Variants in PCDH15 observed in about 807,000 individuals in gnomAD.
The protein encoded by PCDH15 is protocadherin related 15, also known as protocadherin-15.
PCDH15 carries 129 observed loss-of-function variants against 178.5 expected under a neutral mutation model. That is an observed-to-expected ratio of 0.72 (90% CI 0.63 to 0.84). The LOEUF is 0.84. PCDH15 is among the 40% of genes least tolerant of loss of function. The pLI is 0.00. For missense variants in PCDH15, 2,230 were observed against 2,099.9 expected (o/e 1.06, Z -1.21); for synonymous variants, 800 against 732.0 (o/e 1.09, Z -1.50).
chr10:53,824,816 A>C (rs1003080166), intron 32 of PCDH15, among the ~76,000 whole-genome samples: 1 of 152,098 alleles, frequency 6.6e-6, no homozygotes, highest in African/African-American at 2.4e-5. Context: ...AAATCTATAA[A>C]TAGGTTTCTA....
At chr10:54,801,604 T>G (rs1397135778), upstream of PCDH15, among the ~76,000 whole-genome samples, 1 of 152,198 alleles carries the variant, frequency 6.6e-6, no homozygotes, top group Non-Finnish European at 1.5e-5. Flanking sequence ...AAATAATCTC[T>G]TAAGCTTCTT....
In PCDH15 at chr10:54,046,617, C is replaced by CAAA. The variant is rs33959286; in HGVS notation, c.2220+20137_2220+20139dup. ...GCTTACTTAGATGGTAAATGTGCAA[C>CAAA]AAAAAAACCCAGGAAATTAACATAG... On this transcript the variant is annotated intron_variant, in intron 18 of 37. Coordinates refer to ENST00000644397, the MANE Select transcript of PCDH15 (RefSeq NM_001384140.1). 2.1e-3 allele frequency among the ~76,000 whole-genome samples: 325 copies of CAAA among 151,706 alleles called. No homozygotes were observed. In the Middle Eastern group the frequency reaches 0.024, roughly 11 times the overall value.
chr10:54,478,470 G>A (rs187911113), intron 3 of PCDH15, among the ~76,000 whole-genome samples: 1 of 152,148 alleles, frequency 6.6e-6, no homozygotes, highest in African/African-American at 2.4e-5. Flanking sequence ...AAGTTACTAT[G>A]TATTGCCAAG....
intron 15 of PCDH15, among the ~76,000 whole-genome samples, chr10:54,130,037 G>T (rs1166657806): frequency 6.6e-6 from 1 of 152,140 alleles, no homozygotes; most frequent in Non-Finnish European, 1.5e-5. Context: ...GTGAAGAAAA[G>T]AAATACTTGA....
chr10:54,866,043 G>C (rs1953934548), intron 3 of PCDH15, among the ~76,000 whole-genome samples: 1 of 152,152 alleles, frequency 6.6e-6, no homozygotes. Context: ...TTTGATAGAT[G>C]AGAAACTTTT....
At chr10:55,282,765 A>C (rs2132258917) in intron 1 of PCDH15, among the ~76,000 whole-genome samples, 1 of 152,320 alleles carries the variant, frequency 6.6e-6, no homozygotes, top group Admixed American at 6.5e-5. Context: ...ACATTTCAGT[A>C]AGTTTAAGCG....
chr10:54,047,192 C>T (rs1358469440), intron 18 of PCDH15, among the ~76,000 whole-genome samples: 1 of 152,036 alleles, frequency 6.6e-6, no homozygotes, highest in African/African-American at 2.4e-5. Context: ...ATTTCAAATA[C>T]ATGACCAAAT....
intron 3 of PCDH15, among the ~76,000 whole-genome samples, chr10:54,387,792 C>T (rs577459074): frequency 1.3e-5 from 2 of 152,282 alleles, no homozygotes; most frequent in Admixed American, 1.3e-4. Flanking sequence ...CCCATCTCCT[C>T]GGCAGTATCA....
intron 2 of PCDH15, among the ~76,000 whole-genome samples, chr10:55,012,672 T>C (rs1840073659): frequency 2.0e-5 from 3 of 152,164 alleles, no homozygotes; most frequent in African/African-American, 4.8e-5. Context: ...GAAACACTTT[T>C]CTTTGCTTCC....
At chr10:55,202,060 T>C (rs930815008) in intron 1 of PCDH15, among the ~76,000 whole-genome samples, 1 of 152,114 alleles carries the variant, frequency 6.6e-6, no homozygotes. Context: ...AAGTGAATTA[T>C]TCTCTAAAGA....
At chr10:54,316,816 C>G (rs1456241956) in intron 8 of PCDH15, among the ~76,000 whole-genome samples, 1 of 152,098 alleles carries the variant, frequency 6.6e-6, no homozygotes, top group Non-Finnish European at 1.5e-5. Context: ...TATTTGTATT[C>G]AGTATTTGTT....
chr10:55,137,790 G>T (rs927792550), intron 2 of PCDH15, among the ~76,000 whole-genome samples: 2 of 152,022 alleles, frequency 1.3e-5, no homozygotes, highest in African/African-American at 2.4e-5. Context: ...CAGGGTGAGG[G>T]TTATAGAAAA....
At chr10:55,602,847 G>A (rs949063587) in intron 2 of PCDH15, among the ~76,000 whole-genome samples, 1 of 152,158 alleles carries the variant, frequency 6.6e-6, no homozygotes, top group Non-Finnish European at 1.5e-5. Flanking sequence ...ACCTCCAAAG[G>A]AACACAGTTC....
At chr10:55,103,920 T>TGGGACCAATCAGGTTCC (rs1293153042) in intron 2 of PCDH15, among the ~76,000 whole-genome samples, 2 of 152,144 alleles carry the variant, frequency 1.3e-5, no homozygotes, top group Non-Finnish European at 2.9e-5. Context: ...AAAGAATCAA[T>TGGGACCAATCAGGTTCC]GGGACCAATC....
rs562007360 is a variant in PCDH15, at chr10:53,899,483, T to C, written c.3501+3760A>G. ...TCACTGCTATTTCAAAGTCTTATCT[T>C]ACTTTGTCAATCTTATTCTATGTCA... On this transcript the variant is annotated intron_variant, in intron 26 of 37. Coordinates refer to ENST00000644397, the MANE Select transcript of PCDH15 (RefSeq NM_001384140.1). Among the ~76,000 whole-genome samples the C allele has an allele frequency of 3.9e-5, 6 of 152,324 alleles. No individual in the cohort carries two copies. The South Asian group carries it at 1.2e-3, about 32-fold the overall frequency.
chr10:53,867,536 A>G lies in PCDH15; in HGVS notation c.3502-679T>C, dbSNP rs116562303. Among the ~76,000 whole-genome samples, 1,102 of 152,212 alleles carry G rather than the reference A, an allele frequency of 7.2e-3. 16 individuals carry two copies. Among genetic ancestry groups the G allele is most frequent in the African/African-American group, 0.025 (1,035 of 41,552 alleles). On this transcript the variant is annotated intron_variant, in intron 26 of 37. Transcript: ENST00000644397. ...TTTGTCAATTTTAAAAATAGATTTTAAAAAATAAACAGACATAGACACTAA... is the reference window on the plus strand; with the variant it reads ...TTTGTCAATTTTAAAAATAGATTTTGAAAAATAAACAGACATAGACACTAA...
At chr10:54,819,241 T>A (rs1952997761) in intron 3 of PCDH15, among the ~76,000 whole-genome samples, 1 of 152,058 alleles carries the variant, frequency 6.6e-6, no homozygotes, top group South Asian at 2.1e-4. Context: ...ACTGATAGAA[T>A]AAGGAAATAC....
chr10:54,665,934 G>A (rs1218410713), intron 1 of PCDH15, among the ~76,000 whole-genome samples: 1 of 151,150 alleles, frequency 6.6e-6, no homozygotes, highest in Non-Finnish European at 1.5e-5. Flanking sequence ...GTTGTGTAGA[G>A]CAGCGGATAA....
intron 2 of PCDH15, among the ~76,000 whole-genome samples, chr10:55,092,579 A>G (rs1842343694): frequency 6.6e-6 from 1 of 151,882 alleles, no homozygotes; most frequent in African/African-American, 2.4e-5. Flanking sequence ...ATCACATTTG[A>G]ATAAACTGCC....
Sources: gnomAD v4.1 joint callset for allele counts (sites outside exome capture counted in the v4.1 genomes callset) on GRCh38, gnomAD v4.1.1 for gene constraint, MANE v1.5 for transcripts, NCBI Gene and HGNC (gene_info 2026-07-23, HGNC 2026-07-21) for gene names.